The following SCD5 variants were observed in gnomAD, a reference collection of about 807,000 sequenced individuals.
SCD5 encodes the protein acyl-CoA-desaturase 4.
SCD5 carries 20 observed loss-of-function variants against 30.4 expected under a neutral mutation model. That is an observed-to-expected ratio of 0.66 (90% CI 0.46 to 0.96). The LOEUF is 0.96. SCD5 is among the 40% of genes least tolerant of loss of function. SCD5 has a pLI of 0.00. For missense variants in SCD5, 381 were observed against 443.3 expected, an observed-to-expected ratio of 0.86 and a Z score of 1.26; for synonymous variants, 173 against 176.4, an observed-to-expected ratio of 0.98 and a Z score of 0.16.
At chr4:82,778,511 G>A (rs1353411882) in intron 1 of SCD5, among the ~76,000 whole-genome samples, 2 of 152,196 alleles carry the variant, frequency 1.3e-5, no homozygotes, top group Non-Finnish European at 2.9e-5. Flanking sequence ...TACAAGGGCC[G>A]CATGCTCTAG....
chr4:82,653,450 T>G (rs1727796502), intron 3 of SCD5, among the ~76,000 whole-genome samples: 1 of 152,170 alleles, frequency 6.6e-6, no homozygotes, highest in Admixed American at 6.5e-5. Flanking sequence ...TGGAAACACT[T>G]GACCTTCAGG....
At chr4:82,757,468 C>A (rs1721258253) in intron 1 of SCD5, among the ~76,000 whole-genome samples, 1 of 152,112 alleles carries the variant, frequency 6.6e-6, no homozygotes, top group African/African-American at 2.4e-5. Flanking sequence ...ATTGAATTGC[C>A]CCCGTGAGGG....
At chr4:82,731,671 C>A (rs949759170) in intron 1 of SCD5, among the ~76,000 whole-genome samples, 1 of 152,186 alleles carries the variant, frequency 6.6e-6, no homozygotes, top group East Asian at 1.9e-4. Context: ...TCAGAGGCAG[C>A]GCAGTTCTTA....
Position 82,639,403 on chromosome 4 carries a change from A to G in SCD5, c.570-2580T>C, listed in dbSNP as rs181156734. On this transcript the variant is annotated intron_variant, in intron 3 of 4. Coordinates refer to ENST00000319540, the MANE Select transcript of SCD5 (RefSeq NM_001037582.3). ...GGGTGGAGGGAGAAGGTCACCCACAATGAGTTTCAGTGGATCCGATGGGGC... is the reference window on the plus strand; with the variant it reads ...GGGTGGAGGGAGAAGGTCACCCACAGTGAGTTTCAGTGGATCCGATGGGGC... 7.0e-4 allele frequency among the ~76,000 whole-genome samples: 106 copies of G among 152,320 alleles called. 1 individual carries two copies. Among genetic ancestry groups the G allele is most frequent in the South Asian group, 2.5e-3 (12 of 4,822 alleles).
At chr4:82,724,085 T>C (rs1016789764) in intron 1 of SCD5, among the ~76,000 whole-genome samples, 2 of 152,200 alleles carry the variant, frequency 1.3e-5, no homozygotes, top group Non-Finnish European at 2.9e-5. Context: ...AAAGCAAATA[T>C]GGCAAATGTT....
intron 1 of SCD5, among the ~76,000 whole-genome samples, chr4:82,741,180 C>G (rs1232543306): frequency 6.6e-6 from 1 of 151,462 alleles, no homozygotes; most frequent in Non-Finnish European, 1.5e-5. Flanking sequence ...CCCAAGCAAT[C>G]TGCCCGCCTC....
chr4:82,637,037 G>T (rs1727448481), intron 3 of SCD5, among the ~76,000 whole-genome samples: 1 of 152,238 alleles, frequency 6.6e-6, no homozygotes, highest in African/African-American at 2.4e-5. Context: ...TGAGAGTTGG[G>T]ACAGGTAGAA....
At chr4:82,660,897 A>G (rs746949942) in intron 3 of SCD5, 1 of 1,614,110 alleles carries the variant, frequency 6.2e-7, no homozygotes, top group South Asian at 1.1e-5. Flanking sequence ...CCAGGGACAC[A>G]GAAAGAGCAC....
At chr4:82,681,691 C>A (rs1435049248) in intron 2 of SCD5, among the ~76,000 whole-genome samples, 1 of 152,000 alleles carries the variant, frequency 6.6e-6, no homozygotes, top group African/African-American at 2.4e-5. Flanking sequence ...AGGTGTAATA[C>A]CTGGGTGATG....
intron 1 of SCD5, among the ~76,000 whole-genome samples, chr4:82,795,210 C>A (rs1211772011): frequency 6.6e-6 from 1 of 152,182 alleles, no homozygotes; most frequent in South Asian, 2.1e-4. Context: ...GCATAGATGC[C>A]TCTTGTTTCC....
chr4:82,673,223 G>A (rs1728363971), intron 3 of SCD5, among the ~76,000 whole-genome samples: 1 of 147,300 alleles, frequency 6.8e-6, no homozygotes, highest in African/African-American at 2.6e-5. Flanking sequence ...AAATAAAATT[G>A]TCTTTGTTTG....
chr4:82,738,353 C>T (rs1000693114), intron 1 of SCD5, among the ~76,000 whole-genome samples: 2 of 152,192 alleles, frequency 1.3e-5, no homozygotes, highest in African/African-American at 4.8e-5. Flanking sequence ...ACCCAGGAGG[C>T]AGACGTTGCA....
chr4:82,731,707 C>G (rs1378291089), intron 1 of SCD5, among the ~76,000 whole-genome samples: 4 of 152,164 alleles, frequency 2.6e-5, no homozygotes, highest in Non-Finnish European at 4.4e-5. Flanking sequence ...GAGTTTAGGG[C>G]CCTGGATGGG....
chr4:82,766,102 T>C (rs1272758455), intron 1 of SCD5, among the ~76,000 whole-genome samples: 1 of 152,260 alleles, frequency 6.6e-6, no homozygotes, highest in African/African-American at 2.4e-5. Context: ...CTTGTATTTA[T>C]AGTTTGTTGA....
chr4:82,669,454 C>T (rs1159373312), intron 3 of SCD5, among the ~76,000 whole-genome samples: 1 of 152,148 alleles, frequency 6.6e-6, no homozygotes, highest in African/African-American at 2.4e-5. Context: ...TGTGAGATTA[C>T]AGGGAAAACC....
At chr4:82,712,080 T>C (rs1720101689) in intron 1 of SCD5, among the ~76,000 whole-genome samples, 1 of 148,558 alleles carries the variant, frequency 6.7e-6, no homozygotes, top group Non-Finnish European at 1.5e-5. Context: ...TCACCACAAG[T>C]GTAGGGGGTA....
At chr4:82,740,134 C>A (rs960827395) in intron 1 of SCD5, among the ~76,000 whole-genome samples, 1 of 152,232 alleles carries the variant, frequency 6.6e-6, no homozygotes, top group African/African-American at 2.4e-5. Flanking sequence ...GCATCTACCC[C>A]CTAAGGACTT....
chr4:82,682,592 T>G lies in SCD5; in HGVS notation c.364-1680A>C, dbSNP rs552825481. 2.0e-5 allele frequency among the ~76,000 whole-genome samples: 3 copies of G among 152,180 alleles called. No homozygotes were observed. The South Asian group carries it at 6.2e-4, about 32-fold the overall frequency. The stretch of plus-strand genomic sequence containing the variant: ...TACTGGGTAATGTTCTCATTAGGAG[T>G]CTACCATTTCATAGAGATTGGCTTC... On this transcript the variant is annotated intron_variant, in intron 2 of 4. Transcript: ENST00000319540.
chr4:82,798,245 G>C, intron 1 of SCD5, 61 bp downstream of exon 1: 1 of 1,289,380 alleles, frequency 7.8e-7, no homozygotes, highest in South Asian at 2.7e-5. Context: ...CGGCGACCTC[G>C]CGCGCCCCAG....
Sources: gnomAD v4.1 joint callset for allele counts (sites outside exome capture counted in the v4.1 genomes callset) on GRCh38, gnomAD v4.1.1 for gene constraint, MANE v1.5 for transcripts, NCBI Gene and HGNC (gene_info 2026-07-23, HGNC 2026-07-21) for gene names.